Variants in CNKSR2 observed in about 807,000 individuals in gnomAD.
CNKSR2 encodes the protein connector enhancer of kinase suppressor of Ras 2, also known as CNK homolog protein 2.
A neutral mutation model predicts 84.4 loss-of-function variants in CNKSR2; 14 were observed. The observed-to-expected ratio is 0.17, with a 90% CI of 0.11 to 0.26. The LOEUF (loss-of-function observed/expected upper bound fraction) is 0.26, where lower values mean the gene tolerates loss of function less well. Among genes scored for constraint, CNKSR2 ranks in the 10% least tolerant of loss-of-function variants. The pLI is 1.00. For synonymous variants in CNKSR2, 275 were observed against 277.9 expected, an observed-to-expected ratio of 0.99 and a Z score of 0.10; for missense variants, 485 against 771.2, an observed-to-expected ratio of 0.63 and a Z score of 4.40.
At chrX:21,585,126 C>G (rs1236557487) in intron 13 of CNKSR2, among the ~76,000 whole-genome samples, 1 of 107,838 alleles carries the variant, frequency 9.3e-6, no homozygotes, top group Non-Finnish European at 1.9e-5. Context: ...ACCTGTAGTC[C>G]CAGCTACTCA....
intron 1 of CNKSR2, among the ~76,000 whole-genome samples, chrX:21,385,429 A>G: frequency 8.9e-6 from 1 of 112,103 alleles, no homozygotes; most frequent in Admixed American, 9.5e-5. Context: ...TGTTGGCAAT[A>G]TTCAGAGGCA....
chrX:21,419,181 C>T (rs1398930430), intron 1 of CNKSR2, among the ~76,000 whole-genome samples: 4 of 110,423 alleles, frequency 3.6e-5, no homozygotes, highest in African/African-American at 6.6e-5. Context: ...TGTTAAAAGA[C>T]TCTGATGCAT....
chrX:21,472,203 C>G (rs971392855), intron 5 of CNKSR2, among the ~76,000 whole-genome samples: 8 of 111,650 alleles, frequency 7.2e-5, no homozygotes, highest in African/African-American at 2.3e-4. Flanking sequence ...CCTTTCCCAC[C>G]TACATTTTAT....
At chrX:21,564,545 C>T (rs1046891385) in intron 13 of CNKSR2, among the ~76,000 whole-genome samples, 10 of 111,721 alleles carry the variant, frequency 9.0e-5, no homozygotes, top group African/African-American at 2.9e-4. Context: ...AAAACATGGA[C>T]TGCAAGTTTT....
chrX:21,487,656 A>T (rs2091399167), intron 5 of CNKSR2, among the ~76,000 whole-genome samples: 1 of 112,145 alleles, frequency 8.9e-6, no homozygotes, highest in Non-Finnish European at 1.9e-5. Context: ...CCACATAGGT[A>T]AGGGAAGGAA....
chrX:21,418,582 T>G lies in CNKSR2; in HGVS notation c.65-7915T>G, dbSNP rs187313912. Among the ~76,000 whole-genome samples the G allele has an allele frequency of 7.2e-5, 8 of 111,407 alleles. No individual in the cohort carries two copies. The East Asian group carries it at 2.3e-3, about 32-fold the overall frequency. On this transcript the variant is annotated intron_variant, in intron 1 of 21. Transcript: ENST00000379510. ...TTTATACTCTTCTAGGGTAAAAGTTTTTTCCTTCATCACTTTAAATATGTC... is the reference window on the plus strand; with the variant it reads ...TTTATACTCTTCTAGGGTAAAAGTTGTTTCCTTCATCACTTTAAATATGTC...
At chrX:21,398,082 A>G (rs1278734558) in intron 1 of CNKSR2, among the ~76,000 whole-genome samples, 1 of 111,692 alleles carries the variant, frequency 9.0e-6, no homozygotes, top group Non-Finnish European at 1.9e-5. Flanking sequence ...ATAAAGCCTC[A>G]ACAATTGGAA....
chrX:21,578,804 A>G (rs989319019), intron 13 of CNKSR2, among the ~76,000 whole-genome samples: 2 of 112,069 alleles, frequency 1.8e-5, no homozygotes, highest in Admixed American at 9.5e-5. Context: ...CATGGAATAA[A>G]GGACTAGATC....
At chrX:21,594,090 G>C (rs1406853429) in intron 15 of CNKSR2, 1 of 112,202 alleles carries the variant, frequency 8.9e-6, no homozygotes, top group Non-Finnish European at 1.9e-5. Flanking sequence ...ATCACTGACA[G>C]ATTGGATAAA....
intron 7 of CNKSR2, among the ~76,000 whole-genome samples, chrX:21,500,064 T>C (rs1377379097): frequency 9.0e-6 from 1 of 110,882 alleles, no homozygotes; most frequent in African/African-American, 3.3e-5. Flanking sequence ...TCATGGTACT[T>C]GTCTGACTTG....
chrX:21,447,105 A>G (rs2090866152), intron 4 of CNKSR2, among the ~76,000 whole-genome samples: 1 of 110,916 alleles, frequency 9.0e-6, no homozygotes, highest in Non-Finnish European at 1.9e-5. Context: ...CAATGCTGTC[A>G]CTCTGTTTCT....
At chrX:21,569,142 A>G (rs767583485) in intron 13 of CNKSR2, among the ~76,000 whole-genome samples, 43 of 111,885 alleles carry the variant, frequency 3.8e-4, no homozygotes, top group South Asian at 1.1e-3. Context: ...ATGTCTAAAA[A>G]ACAATGTACA....
chrX:21,486,876 C>T (rs1353901240), intron 5 of CNKSR2, among the ~76,000 whole-genome samples: 1 of 111,408 alleles, frequency 9.0e-6, no homozygotes, highest in African/African-American at 3.3e-5. Context: ...CTGGAACTTT[C>T]CTATAGTGCT....
intron 9 of CNKSR2, 53 bp from the exon 10 acceptor site, chrX:21,526,814 T>A (rs1263467463): frequency 1.0e-6 from 1 of 964,494 alleles, no homozygotes; most frequent in Non-Finnish European, 1.5e-6. Flanking sequence ...GTTGTTGTTG[T>A]TGTTTTGTGT....
chrX:21,533,755 A>C (rs1326633770), intron 11 of CNKSR2, among the ~76,000 whole-genome samples: 1 of 111,362 alleles, frequency 9.0e-6, no homozygotes, highest in African/African-American at 3.2e-5. Context: ...AGAGAGAAGT[A>C]AGCAGAGTTA....
intron 20 of CNKSR2, among the ~76,000 whole-genome samples, chrX:21,631,362 TC>T (rs1478461769): frequency 8.9e-6 from 1 of 112,243 alleles, no homozygotes; most frequent in Non-Finnish European, 1.9e-5. Flanking sequence ...AAGAATTAAG[TC>T]TGGATACTGG....
At chrX:21,585,861 AAATG>A (rs1276367336) in intron 13 of CNKSR2, among the ~76,000 whole-genome samples, 4 of 111,839 alleles carry the variant, frequency 3.6e-5, no homozygotes, top group Non-Finnish European at 7.5e-5. Flanking sequence ...TTTTTGGAAA[AAATG>A]AAGATGGGAA....
intron 5 of CNKSR2, among the ~76,000 whole-genome samples, chrX:21,487,438 T>C (rs1308309558): frequency 8.9e-6 from 1 of 111,843 alleles, no homozygotes; most frequent in Non-Finnish European, 1.9e-5. Flanking sequence ...GAGAGCCATT[T>C]ATATACATCC....
intron 1 of CNKSR2, among the ~76,000 whole-genome samples, chrX:21,387,087 A>C (rs1212925278): frequency 8.9e-6 from 1 of 112,380 alleles, no homozygotes; most frequent in East Asian, 2.8e-4. Context: ...ATCTGATTTA[A>C]TGTTTAAAGG....
Sources: gnomAD v4.1 joint callset for allele counts (sites outside exome capture counted in the v4.1 genomes callset) on GRCh38, gnomAD v4.1.1 for gene constraint, MANE v1.5 for transcripts, NCBI Gene and HGNC (gene_info 2026-07-23, HGNC 2026-07-21) for gene names.